Variants in COL24A1 observed in about 807,000 individuals in gnomAD.
COL24A1 encodes the protein collagen alpha-1(XXIV) chain.
In COL24A1, 224 loss-of-function variants were observed where a neutral mutation model predicts 253.9. The observed-to-expected ratio is 0.88, with a 90% CI of 0.79 to 0.99. COL24A1 has a LOEUF of 0.99. COL24A1 is among the 50% of genes least tolerant of loss of function. The pLI is 0.00. For missense variants in COL24A1, 2,131 were observed against 2,068.5 expected, an observed-to-expected ratio of 1.03 and a Z score of -0.59; for synonymous variants, 685 against 673.7, an observed-to-expected ratio of 1.02 and a Z score of -0.26.
At chr1:85,759,171 A>G (rs905169105) in intron 55 of COL24A1, among the ~76,000 whole-genome samples, 1 of 152,164 alleles carries the variant, frequency 6.6e-6, no homozygotes, top group Admixed American at 6.6e-5. Context: ...GTTTCTCTCC[A>G]AGTGAAATCT....
intron 2 of COL24A1, among the ~76,000 whole-genome samples, chr1:86,136,741 C>T (rs1295165626): frequency 1.3e-5 from 2 of 152,054 alleles, no homozygotes; most frequent in Non-Finnish European, 2.9e-5. Flanking sequence ...TATCCCTTGG[C>T]AAATCTCACT....
At chr1:85,766,278 G>A (rs889378827) in intron 53 of COL24A1, among the ~76,000 whole-genome samples, 93 of 149,034 alleles carry the variant, frequency 6.2e-4, no homozygotes, top group African/African-American at 2.0e-3. Flanking sequence ...GCTGAAGCAC[G>A]GGAATCACTT....
chr1:85,805,038 G>T (rs2101824958), intron 47 of COL24A1, among the ~76,000 whole-genome samples: 1 of 152,226 alleles, frequency 6.6e-6, no homozygotes, highest in South Asian at 2.1e-4. Context: ...ACAGGGTCTT[G>T]CTATATCGCC....
At chr1:86,032,138 C>G (rs768532297) in intron 13 of COL24A1, among the ~76,000 whole-genome samples, 6 of 152,150 alleles carry the variant, frequency 3.9e-5, no homozygotes, top group Non-Finnish European at 8.8e-5. Flanking sequence ...TGGCTAAATG[C>G]TTTTGGATGC....
intron 19 of COL24A1, among the ~76,000 whole-genome samples, chr1:85,990,758 A>G (rs964123921): frequency 3.9e-5 from 6 of 152,228 alleles, no homozygotes; most frequent in African/African-American, 1.2e-4. Context: ...AAGAACTACA[A>G]TGGATTGAAA....
intron 7 of COL24A1, among the ~76,000 whole-genome samples, chr1:86,079,502 T>C (rs12752769): frequency 0.34 from 51,961 of 151,870 alleles, 9,295 homozygotes; most frequent in Middle Eastern, 0.51. Flanking sequence ...AAACAATCAA[T>C]AAAGTGAAGA....
At chr1:86,029,755 A>G (rs556365112) in intron 14 of COL24A1, 7 of 152,122 alleles carry the variant, frequency 4.6e-5, no homozygotes, top group East Asian at 1.9e-4. Flanking sequence ...AGCAGAGACT[A>G]CAGGTGTGCT....
intron 53 of COL24A1, among the ~76,000 whole-genome samples, chr1:85,765,498 G>T (rs1667270457): frequency 6.6e-6 from 1 of 151,144 alleles, no homozygotes; most frequent in African/African-American, 2.4e-5. Flanking sequence ...GTGGGGCCAG[G>T]GTTCGAGGCC....
chr1:85,737,436 G>C lies in COL24A1; in HGVS notation c.4742C>G (p.Ala1581Gly), dbSNP rs1354520544. The change falls in exon 58 of 60, where the codon GCT (alanine) becomes GGT (glycine). Residue 1581 changes from alanine (A) to glycine (G), a missense_variant. Coordinates refer to ENST00000370571, the MANE Select transcript of COL24A1 (RefSeq NM_152890.7). ...AGGAGGTAAGCATGTCTGGCCACCA[G>C]CACTGAAATTGCAGAAAACCTCAAT... ...DAIEVFCNFS[A>G]GGQTCLPPVS... The C allele has an allele frequency of 6.2e-7, 1 of 1,612,810 alleles. No individual in the cohort carries two copies. Among genetic ancestry groups the C allele is most frequent in the Non-Finnish European group, 8.5e-7 (1 of 1,179,290 alleles).
At chr1:85,991,249 CTG>C (rs1456823889) in intron 19 of COL24A1, among the ~76,000 whole-genome samples, 6 of 152,178 alleles carry the variant, frequency 3.9e-5, no homozygotes, top group Admixed American at 2.6e-4. Flanking sequence ...AAAATCCAGA[CTG>C]TGGGAAACTA....
chr1:86,015,321 A>G (rs905051553), intron 19 of COL24A1, among the ~76,000 whole-genome samples: 2 of 152,204 alleles, frequency 1.3e-5, no homozygotes, highest in African/African-American at 2.4e-5. Context: ...TACTCTGAAA[A>G]TGCTGGGGCT....
In COL24A1 at chr1:85,896,800, C is replaced by T. The variant is rs192265505; in HGVS notation, c.2779-391G>A. Among the ~76,000 whole-genome samples, 93 of 152,290 alleles carry T rather than the reference C, an allele frequency of 6.1e-4. 1 individual carries two copies. Among genetic ancestry groups the T allele is most frequent in the African/African-American group, 2.1e-3 (86 of 41,570 alleles). ...GGCGTGAGCCACCACCCACCGCGCA[C>T]GGCCAAGATGTTGATTTTATGCCCT... On this transcript the variant is annotated intron_variant, in intron 28 of 59. Coordinates refer to ENST00000370571, the MANE Select transcript of COL24A1 (RefSeq NM_152890.7).
chr1:85,923,668 G>T (rs1474239471), intron 24 of COL24A1, among the ~76,000 whole-genome samples: 1 of 152,174 alleles, frequency 6.6e-6, no homozygotes, highest in African/African-American at 2.4e-5. Flanking sequence ...CATATTAAAA[G>T]CAGTGTGTAG....
At chr1:86,108,484 T>C (rs1705206611) in intron 5 of COL24A1, among the ~76,000 whole-genome samples, 1 of 151,942 alleles carries the variant, frequency 6.6e-6, no homozygotes, top group Non-Finnish European at 1.5e-5. Flanking sequence ...ACAGAGCTTA[T>C]TAAGAAAGGA....
At chr1:86,122,967 T>C (rs909652844) in intron 3 of COL24A1, among the ~76,000 whole-genome samples, 3 of 152,046 alleles carry the variant, frequency 2.0e-5, no homozygotes, top group Non-Finnish European at 4.4e-5. Context: ...AGCTTGGATC[T>C]TTATCTGTCT....
chr1:86,060,061 T>C (rs775733437), intron 8 of COL24A1, among the ~76,000 whole-genome samples: 7 of 152,140 alleles, frequency 4.6e-5, no homozygotes, highest in Admixed American at 6.5e-5. Flanking sequence ...CCTTTGGAAT[T>C]TGCAATCTGT....
At chr1:85,870,824 C>A (rs77703755) in intron 35 of COL24A1, among the ~76,000 whole-genome samples, 61,020 of 151,700 alleles carry the variant, frequency 0.4, 12,903 homozygotes, top group South Asian at 0.59. Context: ...AAAAGCACAC[C>A]GAAGGCAAGA....
chr1:86,084,591 T>C (rs1330416740), intron 7 of COL24A1, among the ~76,000 whole-genome samples: 2 of 152,222 alleles, frequency 1.3e-5, no homozygotes, highest in Non-Finnish European at 2.9e-5. Flanking sequence ...ATTCTTGAAA[T>C]GATGCTAAAT....
At chr1:86,141,777 T>C (rs1012459359) in intron 2 of COL24A1, among the ~76,000 whole-genome samples, 3 of 151,784 alleles carry the variant, frequency 2.0e-5, no homozygotes, top group Admixed American at 6.6e-5. Flanking sequence ...CTCAGCGCCC[T>C]GCAACCTCTG....
Sources: gnomAD v4.1 joint callset for allele counts (sites outside exome capture counted in the v4.1 genomes callset) on GRCh38, gnomAD v4.1.1 for gene constraint, MANE v1.5 for transcripts, NCBI Gene and HGNC (gene_info 2026-07-23, HGNC 2026-07-21) for gene names.